Variants in ADGRV1 observed in about 807,000 individuals in gnomAD.
ADGRV1 encodes G-protein coupled receptor 98.
A neutral mutation model predicts 596.2 loss-of-function variants in ADGRV1; 359 were observed. The observed-to-expected ratio is 0.60, with a 90% CI of 0.55 to 0.66. ADGRV1 has a LOEUF of 0.66. ADGRV1 is among the 30% of genes least tolerant of loss of function. The pLI is 0.00. For missense variants in ADGRV1, 7,274 were observed against 7,575.6 expected (o/e 0.96, Z 1.48); for synonymous variants, 2,681 against 2,679.2 (o/e 1.00, Z -0.02).
At chr5:90,839,258 A>G (rs1301068706) in intron 77 of ADGRV1, among the ~76,000 whole-genome samples, 1 of 152,110 alleles carries the variant, frequency 6.6e-6, no homozygotes, top group African/African-American at 2.4e-5. Flanking sequence ...TCTATTGCCC[A>G]GGCTGGAGTG....
At chr5:90,842,967 A>G (rs1765562517) in intron 78 of ADGRV1, among the ~76,000 whole-genome samples, 1 of 152,074 alleles carries the variant, frequency 6.6e-6, no homozygotes, top group Non-Finnish European at 1.5e-5. Context: ...ACATATGTAC[A>G]TACAGAAAAT....
At chr5:90,984,676 C>T (rs1443352743) in intron 84 of ADGRV1, among the ~76,000 whole-genome samples, 1 of 152,090 alleles carries the variant, frequency 6.6e-6, no homozygotes, top group Non-Finnish European at 1.5e-5. Context: ...CTGCTGTATC[C>T]CCAGCACCTA....
intron 21 of ADGRV1, among the ~76,000 whole-genome samples, chr5:90,665,991 A>G (rs1245910943): frequency 6.6e-6 from 1 of 150,550 alleles, no homozygotes; most frequent in Admixed American, 6.6e-5. Context: ...GTTTGTTATA[A>G]TCTCTGTTCT....
intron 87 of ADGRV1, among the ~76,000 whole-genome samples, chr5:91,118,629 G>A (rs1793053584): frequency 6.6e-6 from 1 of 151,940 alleles, no homozygotes; most frequent in African/African-American, 2.4e-5. Flanking sequence ...AACACAAACT[G>A]TAATCCAGAG....
chr5:90,697,268 A>G (rs1747315109), intron 34 of ADGRV1, 122 bp downstream of exon 34: 1 of 867,246 alleles, frequency 1.2e-6, no homozygotes. Context: ...GTGTGTGTTA[A>G]TCTGCATAGA....
intron 83 of ADGRV1, among the ~76,000 whole-genome samples, chr5:90,946,315 G>T (rs753958034): frequency 1.3e-5 from 2 of 152,064 alleles, no homozygotes; most frequent in African/African-American, 4.8e-5. Flanking sequence ...TCATGGTAAG[G>T]CTTTTTAATT....
chr5:91,042,032 A>G (rs1265896088), intron 85 of ADGRV1, among the ~76,000 whole-genome samples: 1 of 152,188 alleles, frequency 6.6e-6, no homozygotes, highest in Non-Finnish European at 1.5e-5. Flanking sequence ...TAACTGTTTT[A>G]CAGATGTTTT....
chr5:90,579,512 T>G (rs1391638814), intron 1 of ADGRV1, among the ~76,000 whole-genome samples: 1 of 152,098 alleles, frequency 6.6e-6, no homozygotes, highest in African/African-American at 2.4e-5. Flanking sequence ...TGCTGAGGAG[T>G]GCTTTGGTTC....
intron 20 of ADGRV1, chr5:90,655,603 G>A (rs959323291): frequency 3.4e-4 from 52 of 152,026 alleles, no homozygotes; most frequent in Admixed American, 3.1e-3. Flanking sequence ...GCAAATATTC[G>A]GTTTTAGTAG....
chr5:90,768,499 T>A (rs944798973), intron 59 of ADGRV1, among the ~76,000 whole-genome samples: 3 of 152,200 alleles, frequency 2.0e-5, no homozygotes, highest in Admixed American at 1.3e-4. Context: ...AAACCTAGTC[T>A]ACAGAAGCTG....
chr5:90,942,404 A>T (rs760756123), intron 83 of ADGRV1, among the ~76,000 whole-genome samples: 3 of 152,190 alleles, frequency 2.0e-5, no homozygotes, highest in Non-Finnish European at 4.4e-5. Flanking sequence ...ATTGGCTGAA[A>T]GGAGAGAGGA....
chr5:90,725,707 A>G (rs1281756051), intron 48 of ADGRV1, 51 bp downstream of exon 48: 1 of 987,284 alleles, frequency 1.0e-6, no homozygotes, highest in Non-Finnish European at 1.6e-6. Flanking sequence ...TCTTTTTAAC[A>G]TTATAATTGA....
intron 72 of ADGRV1, among the ~76,000 whole-genome samples, chr5:90,807,106 C>T (rs1227530563): frequency 6.6e-6 from 1 of 152,150 alleles, no homozygotes; most frequent in African/African-American, 2.4e-5. Flanking sequence ...CCTCGTCGGC[C>T]TCCCAAAGTG....
intron 50 of ADGRV1, among the ~76,000 whole-genome samples, chr5:90,735,756 T>C (rs1753143393): frequency 6.6e-6 from 1 of 152,136 alleles, no homozygotes. Flanking sequence ...TAGGCTTGTT[T>C]TCTTAACTTT....
intron 86 of ADGRV1, 76 bp downstream of exon 86, chr5:91,072,680 A>T: frequency 6.7e-7 from 1 of 1,485,590 alleles, no homozygotes; most frequent in Non-Finnish European, 9.2e-7. Context: ...AATTTTTTTT[A>T]TCAAAAAGAG....
intron 59 of ADGRV1, among the ~76,000 whole-genome samples, chr5:90,766,302 C>T (rs1331117093): frequency 6.6e-6 from 1 of 151,360 alleles, no homozygotes; most frequent in Non-Finnish European, 1.5e-5. Flanking sequence ...AAGGCAAAGC[C>T]AATCAACCAC....
At chr5:90,965,577 A>G (rs1778381313) in intron 84 of ADGRV1, 46 bp downstream of exon 84, 2 of 1,120,396 alleles carry the variant, frequency 1.8e-6, no homozygotes, top group Admixed American at 3.7e-5. Flanking sequence ...CTTTTAATGA[A>G]TCTGGGTGGA....
At chr5:90,988,009 T>C (rs1780637322) in intron 85 of ADGRV1, among the ~76,000 whole-genome samples, 2 of 152,170 alleles carry the variant, frequency 1.3e-5, no homozygotes, top group African/African-American at 4.8e-5. Flanking sequence ...TCTCAGCATC[T>C]TTCCTCATCC....
At chr5:90,773,251 GAC>G (rs1358650551) in intron 59 of ADGRV1, among the ~76,000 whole-genome samples, 1 of 151,762 alleles carries the variant, frequency 6.6e-6, no homozygotes, top group East Asian at 1.9e-4. Context: ...AAATTAAGGA[GAC>G]ACAGTGCATT....
Sources: allele counts gnomAD v4.1 joint callset (sites outside exome capture counted in the v4.1 genomes callset), GRCh38; gene constraint gnomAD v4.1.1; transcripts MANE v1.5; gene names NCBI Gene and HGNC (gene_info 2026-07-23, HGNC 2026-07-21).